SLC1A2: variants seen among roughly 807,000 people sequenced by gnomAD.
The protein encoded by SLC1A2 is excitatory amino acid transporter 2.
In SLC1A2, 15 loss-of-function variants were observed where a neutral mutation model predicts 48.8. The observed-to-expected ratio is 0.31, with a 90% CI of 0.21 to 0.47. The LOEUF (loss-of-function observed/expected upper bound fraction) is 0.47. Among genes scored for constraint, SLC1A2 ranks in the 20% least tolerant of loss-of-function variants. The pLI, the probability that SLC1A2 is intolerant of heterozygous loss-of-function variation, is 0.99. For synonymous variants in SLC1A2, 279 were observed against 272.6 expected (o/e 1.02, Z -0.23); for missense variants, 502 against 730.5 (o/e 0.69, Z 3.61).
chr11:35,331,521 G>T (rs1852426557), intron 1 of SLC1A2, among the ~76,000 whole-genome samples: 1 of 152,156 alleles, frequency 6.6e-6, no homozygotes, highest in Non-Finnish European at 1.5e-5. Flanking sequence ...CCCCTGAAGG[G>T]TAATGTTCTC....
At chr11:35,384,132 A>C (rs945356702) in intron 1 of SLC1A2, among the ~76,000 whole-genome samples, 4 of 152,262 alleles carry the variant, frequency 2.6e-5, no homozygotes, top group African/African-American at 9.6e-5. Context: ...AGAGGAGAGT[A>C]TCATATTGCT....
At chr11:35,310,690 C>T (rs1029733710) in intron 4 of SLC1A2, among the ~76,000 whole-genome samples, 1 of 152,126 alleles carries the variant, frequency 6.6e-6, no homozygotes, top group Non-Finnish European at 1.5e-5. Flanking sequence ...TTGGTTTTAG[C>T]TTAGTTTCTA....
chr11:35,312,566 C>T, intron 3 of SLC1A2, 118 bp from the exon 4 acceptor site: 1 of 1,189,002 alleles, frequency 8.4e-7, no homozygotes. Context: ...TTGATTAAAT[C>T]TCCTACTGTA....
chr11:35,350,937 C>T (rs1258417111), intron 1 of SLC1A2, among the ~76,000 whole-genome samples: 1 of 152,190 alleles, frequency 6.6e-6, no homozygotes, highest in Non-Finnish European at 1.5e-5. Flanking sequence ...CATATTAATA[C>T]TAAAAGCCAC....
At chr11:35,337,073 G>T (rs1369716434) in intron 1 of SLC1A2, among the ~76,000 whole-genome samples, 4 of 152,142 alleles carry the variant, frequency 2.6e-5, no homozygotes, top group Non-Finnish European at 5.9e-5. Context: ...CTAAAGAGTT[G>T]TGGTTGTAAA....
chr11:35,273,959 CT>C (rs1430726885), intron 9 of SLC1A2, among the ~76,000 whole-genome samples: 1 of 152,176 alleles, frequency 6.6e-6, no homozygotes, highest in African/African-American at 2.4e-5. Context: ...GCTCAGATTA[CT>C]TTACAGATGA....
chr11:35,395,436 C>A (rs1854922133), intron 1 of SLC1A2, among the ~76,000 whole-genome samples: 6 of 151,904 alleles, frequency 3.9e-5, no homozygotes. Context: ...AAAGACTGTC[C>A]AAGGGAGCAG....
intron 1 of SLC1A2, among the ~76,000 whole-genome samples, chr11:35,412,046 A>AT: frequency 6.6e-6 from 1 of 151,740 alleles, no homozygotes; most frequent in South Asian, 2.1e-4. Context: ...CTGGAGCAAA[A>AT]AAAAAAAACA....
At position 35,301,674 on chromosome 11, in the gene SLC1A2, G is replaced by A. The variant is rs1348204664; in HGVS notation, c.731-29C>T. On this transcript the variant is annotated intron_variant, in intron 5 of 10. Transcript: ENST00000278379. Reference sequence around the variant, plus strand: ...TTGGATGAATCACATTACATAGAAGGACAAATTACAAAAAATGTACTTTTT... The same window carrying A: ...TTGGATGAATCACATTACATAGAAGAACAAATTACAAAAAATGTACTTTTT... 5.6e-6 allele frequency: 9 copies of A among 1,604,516 alleles called. No homozygotes were observed. The South Asian group carries it at 6.7e-5, about 12-fold the overall frequency.
chr11:35,343,768 A>T (rs908063162), intron 1 of SLC1A2, among the ~76,000 whole-genome samples: 8 of 152,082 alleles, frequency 5.3e-5, no homozygotes, highest in African/African-American at 1.9e-4. Flanking sequence ...TAATAATAGT[A>T]TCTGTGCACC....
At position 35,310,171 on chromosome 11, in the gene SLC1A2, T is replaced by C. The variant is rs558194415; in HGVS notation, c.561+2027A>G. Reference sequence around the variant, plus strand: ...CCTGCCTTCCTTTTTTCACAGAGCATGGCATGACCAGGCACAGAACTGTGT... The same window carrying C: ...CCTGCCTTCCTTTTTTCACAGAGCACGGCATGACCAGGCACAGAACTGTGT... On this transcript the variant is annotated intron_variant, in intron 4 of 10. Transcript: ENST00000278379. Among the ~76,000 whole-genome samples the C allele has an allele frequency of 3.9e-5, 6 of 152,186 alleles. No individual in the cohort carries two copies. The South Asian group carries it at 1.0e-3, about 26-fold the overall frequency.
chr11:35,302,087 G>A (rs1851373882), intron 5 of SLC1A2, among the ~76,000 whole-genome samples: 1 of 152,176 alleles, frequency 6.6e-6, no homozygotes, highest in Non-Finnish European at 1.5e-5. Context: ...CTTTGCTAGA[G>A]TTACATCTAG....
chr11:35,322,955 C>T (rs1366776260), intron 1 of SLC1A2: 2 of 591,758 alleles, frequency 3.4e-6, no homozygotes, highest in African/African-American at 1.9e-5. Flanking sequence ...GTAAGACCTG[C>T]CTTAACTGTG....
intron 9 of SLC1A2, chr11:35,280,531 T>C (rs1011166928): frequency 8.7e-6 from 2 of 230,002 alleles, no homozygotes; most frequent in African/African-American, 2.3e-5. Flanking sequence ...AATGGAATCA[T>C]ACAGTACATA....
At chr11:35,393,639 G>A (rs915899431) in intron 1 of SLC1A2, among the ~76,000 whole-genome samples, 13 of 152,154 alleles carry the variant, frequency 8.5e-5, no homozygotes, top group African/African-American at 2.4e-4. Flanking sequence ...ATTTGGCAAC[G>A]GGCAATAGGC....
chr11:35,292,955 G>C (rs1264579130), intron 6 of SLC1A2, among the ~76,000 whole-genome samples: 1 of 149,478 alleles, frequency 6.7e-6, no homozygotes, highest in Non-Finnish European at 1.5e-5. Context: ...TTCTTACCTA[G>C]GAAGATAGGG....
chr11:35,266,479 T>C (rs532675752), intron 9 of SLC1A2, among the ~76,000 whole-genome samples: 2 of 152,332 alleles, frequency 1.3e-5, no homozygotes, highest in South Asian at 4.1e-4. Flanking sequence ...CAGGAAATGT[T>C]AAGAAAATCC....
At chr11:35,401,796 A>G (rs927284455) in intron 1 of SLC1A2, among the ~76,000 whole-genome samples, 1 of 152,112 alleles carries the variant, frequency 6.6e-6, no homozygotes, top group Non-Finnish European at 1.5e-5. Flanking sequence ...GATGCTTTAA[A>G]GTGTTGGAAA....
intron 6 of SLC1A2, among the ~76,000 whole-genome samples, chr11:35,295,257 C>T (rs1406135992): frequency 1.3e-5 from 2 of 151,974 alleles, no homozygotes; most frequent in Non-Finnish European, 2.9e-5. Context: ...CACTATTTTG[C>T]TCAGCTGGTC....
Sources: allele counts gnomAD v4.1 joint callset (sites outside exome capture counted in the v4.1 genomes callset), GRCh38; gene constraint gnomAD v4.1.1; transcripts MANE v1.5; gene names NCBI Gene and HGNC (gene_info 2026-07-23, HGNC 2026-07-21).